Variants in THSD4 observed in about 807,000 individuals in gnomAD.
THSD4 encodes the protein thrombospondin type-1 domain-containing protein 4.
A neutral mutation model predicts 119.0 loss-of-function variants in THSD4; 69 were observed. The ratio of observed to expected loss-of-function variants is 0.58; its 90% CI spans 0.48 to 0.71. The LOEUF is 0.71. THSD4 is among the 30% of genes least tolerant of loss of function. THSD4 has a pLI of 0.00. For missense variants in THSD4, 1,393 were observed against 1,391.1 expected, an observed-to-expected ratio of 1.00 and a Z score of -0.02; for synonymous variants, 524 against 540.4, an observed-to-expected ratio of 0.97 and a Z score of 0.42.
chr15:71,568,020 G>A (rs1217841429), intron 7 of THSD4, among the ~76,000 whole-genome samples: 2 of 151,842 alleles, frequency 1.3e-5, no homozygotes, highest in Non-Finnish European at 2.9e-5. Context: ...TCCTGTTTGT[G>A]CCTTTGAAAG....
chr15:71,636,921 G>C, intron 7 of THSD4, among the ~76,000 whole-genome samples: 1 of 150,438 alleles, frequency 6.6e-6, no homozygotes, highest in East Asian at 1.9e-4. Context: ...GTCTCACTCT[G>C]TCACCCAGGC....
At chr15:71,542,740 G>T (rs2048776357) in intron 7 of THSD4, among the ~76,000 whole-genome samples, 1 of 152,046 alleles carries the variant, frequency 6.6e-6, no homozygotes. Context: ...AGCTGGGTAT[G>T]GTGGCGGGCA....
At chr15:71,260,563 G>A (rs1323263456) in intron 6 of THSD4, among the ~76,000 whole-genome samples, 1 of 152,162 alleles carries the variant, frequency 6.6e-6, no homozygotes, top group Non-Finnish European at 1.5e-5. Flanking sequence ...GATCAGAAAG[G>A]TATTTTGTTG....
At chr15:71,305,084 A>T (rs2045006278) in intron 6 of THSD4, among the ~76,000 whole-genome samples, 2 of 152,180 alleles carry the variant, frequency 1.3e-5, no homozygotes. Context: ...TCTGATGAGG[A>T]TTCTGGGGAA....
At chr15:71,125,804 T>C (rs144044891) in intron 1 of THSD4, among the ~76,000 whole-genome samples, 12 of 152,380 alleles carry the variant, frequency 7.9e-5, no homozygotes, top group African/African-American at 2.4e-4. Flanking sequence ...CGAAGGTGAC[T>C]GTGGTGCTGT....
At chr15:71,552,780 G>T (rs907006799) in intron 7 of THSD4, among the ~76,000 whole-genome samples, 1 of 152,142 alleles carries the variant, frequency 6.6e-6, no homozygotes, top group Non-Finnish European at 1.5e-5. Context: ...CCGAGTAGCT[G>T]GGATTACAGG....
chr15:71,400,167 A>C (rs2046508490), intron 6 of THSD4, among the ~76,000 whole-genome samples: 1 of 152,320 alleles, frequency 6.6e-6, no homozygotes, highest in African/African-American at 2.4e-5. Flanking sequence ...CCTTTAAAAT[A>C]TGTTCAGTAT....
rs2045370154 is a variant in THSD4, at chr15:71,328,069, G to C, written c.1015+71354G>C. 2.0e-5 allele frequency among the ~76,000 whole-genome samples: 3 copies of C among 152,196 alleles called. No individual in the cohort carries two copies. In the South Asian group the frequency reaches 6.2e-4, roughly 31 times the overall value. On this transcript the variant is annotated intron_variant, in intron 6 of 17. Transcript: ENST00000261862. ...GCCGTGTCCTCCTTTCTCAAACCTTGGCTCAGAGGCGAGGCTTGTAGTTCA... is the reference window on the plus strand; with the variant it reads ...GCCGTGTCCTCCTTTCTCAAACCTTCGCTCAGAGGCGAGGCTTGTAGTTCA...
At chr15:71,608,247 T>TACACACACAC (rs1331902315) in intron 7 of THSD4, among the ~76,000 whole-genome samples, 1 of 71,716 alleles carries the variant, frequency 1.4e-5, no homozygotes, top group Non-Finnish European at 3.3e-5. Context: ...AATATATATA[T>TACACACACAC]ATACACACAC....
At chr15:71,424,360 G>T (rs1225254037) in intron 7 of THSD4, among the ~76,000 whole-genome samples, 2 of 152,098 alleles carry the variant, frequency 1.3e-5, no homozygotes, top group Non-Finnish European at 2.9e-5. Flanking sequence ...GAAAATTGGG[G>T]TTGATGTCTA....
intron 3 of THSD4, among the ~76,000 whole-genome samples, chr15:71,155,985 T>G (rs990761422): frequency 5.9e-5 from 9 of 152,300 alleles, no homozygotes; most frequent in Non-Finnish European, 1.3e-4. Flanking sequence ...GTATTGCATA[T>G]GCTTCCCTTC....
At chr15:71,403,207 G>A (rs902791027) in intron 6 of THSD4, among the ~76,000 whole-genome samples, 1 of 151,930 alleles carries the variant, frequency 6.6e-6, no homozygotes, top group Non-Finnish European at 1.5e-5. Flanking sequence ...CTACTTTCTT[G>A]TTTTACTCCT....
intron 7 of THSD4, among the ~76,000 whole-genome samples, chr15:71,556,263 A>G (rs1192040417): frequency 6.6e-6 from 1 of 152,208 alleles, no homozygotes; most frequent in Non-Finnish European, 1.5e-5. Flanking sequence ...CATTCTATCC[A>G]TGAACATAGT....
At position 71,154,874 on chromosome 15, in the gene THSD4, T is replaced by A; in HGVS notation, c.41T>A (p.Phe14Tyr). Residue 14 changes from phenylalanine to tyrosine, a missense_variant, in exon 3 of 18, where the codon TTC becomes TAC. By Grantham distance (22) the Phe-to-Tyr change is conservative. Coordinates refer to ENST00000261862, the MANE Select transcript of THSD4 (RefSeq NM_024817.3). ...TTTTCCCTTTTCAGTGTCCTGTGTTTCCTTCTGCTGCTTGGATTCCAGTTC... is the reference window on the plus strand; with the variant it reads ...TTTTCCCTTTTCAGTGTCCTGTGTTACCTTCTGCTGCTTGGATTCCAGTTC... ...HFMGSLSVLC[F>Y]LLLLGFQFVC... The A allele has an allele frequency of 6.2e-7, 1 of 1,614,212 alleles. No individual in the cohort carries two copies. The highest frequency in any genetic ancestry group is 8.5e-7 in the Non-Finnish European group (1 of 1,180,040).
At chr15:71,373,034 A>G (rs527441160) in intron 6 of THSD4, among the ~76,000 whole-genome samples, 3 of 152,182 alleles carry the variant, frequency 2.0e-5, no homozygotes, top group African/African-American at 7.2e-5. Flanking sequence ...CAATCTTGCA[A>G]CAACCTCCTT....
chr15:71,723,260 A>C (rs2052757783), intron 8 of THSD4, among the ~76,000 whole-genome samples: 1 of 152,136 alleles, frequency 6.6e-6, no homozygotes, highest in Non-Finnish European at 1.5e-5. Context: ...GTCTGTTTAC[A>C]TTCCTACCAG....
At chr15:71,279,311 A>G (rs2044625647) in intron 6 of THSD4, among the ~76,000 whole-genome samples, 2 of 152,208 alleles carry the variant, frequency 1.3e-5, no homozygotes, top group Non-Finnish European at 2.9e-5. Flanking sequence ...GTGAGCCTGT[A>G]GATATTGGCG....
At position 71,406,597 on chromosome 15, in the gene THSD4, G is replaced by A. The variant is rs148310827; in HGVS notation, c.1016-5090G>A. 1.0e-3 allele frequency among the ~76,000 whole-genome samples: 153 copies of A among 150,692 alleles called. 1 individual carries two copies. In the East Asian group the frequency reaches 0.026, roughly 26 times the overall value. Reference sequence around the variant, plus strand: ...TGGGATATCAAAGTTTGAAACTACCGTTGTATTATTGTCTATTTCTTCTTT... The same window carrying A: ...TGGGATATCAAAGTTTGAAACTACCATTGTATTATTGTCTATTTCTTCTTT... On this transcript the variant is annotated intron_variant, in intron 6 of 17. Coordinates refer to ENST00000261862, the MANE Select transcript of THSD4 (RefSeq NM_024817.3).
At chr15:71,472,824 A>G (rs997111096) in intron 7 of THSD4, among the ~76,000 whole-genome samples, 1 of 152,162 alleles carries the variant, frequency 6.6e-6, no homozygotes, top group African/African-American at 2.4e-5. Flanking sequence ...TAAACTTTGC[A>G]TTGTAAATTT....
Sources: allele counts gnomAD v4.1 joint callset (sites outside exome capture counted in the v4.1 genomes callset), GRCh38; gene constraint gnomAD v4.1.1; transcripts MANE v1.5; gene names NCBI Gene and HGNC (gene_info 2026-07-23, HGNC 2026-07-21).